WIPF3: variants seen among roughly 807,000 people sequenced by gnomAD.
WIPF3 encodes WAS/WASL interacting protein family member 3.
WIPF3 carries 33 observed loss-of-function variants against 38.9 expected under a neutral mutation model. The observed-to-expected ratio is 0.85, with a 90% CI of 0.64 to 1.14. The LOEUF (loss-of-function observed/expected upper bound fraction) is 1.14. WIPF3 is among the 50% of genes most tolerant of loss of function. WIPF3 has a pLI of 0.00. For synonymous variants in WIPF3, 324 were observed against 269.3 expected (o/e 1.20, Z -1.99); for missense variants, 711 against 652.5 (o/e 1.09, Z -0.98).
At chr7:29,901,825 C>CAA (rs869296187) in intron 7 of WIPF3, among the ~76,000 whole-genome samples, 84 of 82,366 alleles carry the variant, frequency 1.0e-3, no homozygotes, top group African/African-American at 1.7e-3. Context: ...GTCCCTGTCT[C>CAA]AAAAAAAAAA....
At chr7:29,824,030 G>A (rs1437167206) in intron 1 of WIPF3, among the ~76,000 whole-genome samples, 1 of 152,200 alleles carries the variant, frequency 6.6e-6, no homozygotes, top group Admixed American at 6.5e-5. Flanking sequence ...CAAGGCAGTG[G>A]CATTTGGCAT....
intron 1 of WIPF3, among the ~76,000 whole-genome samples, chr7:29,813,473 C>T (rs1784412189): frequency 6.6e-6 from 1 of 152,244 alleles, no homozygotes; most frequent in South Asian, 2.1e-4. Flanking sequence ...ATACCCGCCC[C>T]TGCTTCAGTC....
At chr7:29,900,039 G>C (rs528856668) in intron 7 of WIPF3, among the ~76,000 whole-genome samples, 2 of 152,170 alleles carry the variant, frequency 1.3e-5, no homozygotes, top group Non-Finnish European at 2.9e-5. Flanking sequence ...CCAGGTTCAA[G>C]TGATTCTCCT....
At chr7:29,887,630 C>T (rs908729999) in intron 5 of WIPF3, among the ~76,000 whole-genome samples, 2 of 152,208 alleles carry the variant, frequency 1.3e-5, no homozygotes, top group African/African-American at 4.8e-5. Context: ...CTCTTCAAGC[C>T]TCCCTCTGGG....
At chr7:29,825,461 C>T (rs1284969113) in intron 1 of WIPF3, among the ~76,000 whole-genome samples, 2 of 152,182 alleles carry the variant, frequency 1.3e-5, no homozygotes, top group Non-Finnish European at 2.9e-5. Context: ...GCAGCTTACT[C>T]GTGAATGTGT....
intron 4 of WIPF3, among the ~76,000 whole-genome samples, chr7:29,879,365 A>G (rs547729297): frequency 3.3e-4 from 51 of 152,342 alleles, no homozygotes; most frequent in African/African-American, 1.1e-3. Flanking sequence ...TTCCATTGTA[A>G]TAGCTTAAAA....
At position 29,885,840 on chromosome 7, in the gene WIPF3, T is replaced by G. The variant is rs917096263; in HGVS notation, c.1099+1247T>G. On this transcript the variant is annotated intron_variant, in intron 5 of 8. Coordinates refer to ENST00000242140, the MANE Select transcript of WIPF3 (RefSeq NM_001080529.3). ...TCTCTGAGTAAATTAAGTAATTCAATCACCCATAATAACATCACCCAGAGA... is the reference window on the plus strand; with the variant it reads ...TCTCTGAGTAAATTAAGTAATTCAAGCACCCATAATAACATCACCCAGAGA... Among the ~76,000 whole-genome samples the G allele has an allele frequency of 3.3e-5, 5 of 152,096 alleles. No individual in the cohort carries two copies. In the East Asian group the frequency reaches 5.8e-4, roughly 18 times the overall value.
At chr7:29,839,312 G>A (rs1209009212) in intron 2 of WIPF3, among the ~76,000 whole-genome samples, 2 of 152,160 alleles carry the variant, frequency 1.3e-5, no homozygotes, top group East Asian at 1.9e-4. Flanking sequence ...TTCCAATGTC[G>A]TGATTGATTC....
At chr7:29,866,074 G>A (rs937930615) in intron 2 of WIPF3, among the ~76,000 whole-genome samples, 24 of 152,124 alleles carry the variant, frequency 1.6e-4, no homozygotes, top group Non-Finnish European at 2.8e-4. Flanking sequence ...CAGGAGAATC[G>A]CTTGAACCTG....
At chr7:29,845,190 A>G (rs1784980214) in intron 2 of WIPF3, among the ~76,000 whole-genome samples, 2 of 152,134 alleles carry the variant, frequency 1.3e-5, no homozygotes, top group South Asian at 4.1e-4. Flanking sequence ...ATCAGCATGG[A>G]AAAAGAAGAT....
chr7:29,835,247 G>T (rs1548605), intron 2 of WIPF3, among the ~76,000 whole-genome samples: 84,666 of 151,818 alleles, frequency 0.56, 23,774 homozygotes, highest in Middle Eastern at 0.65. Context: ...AATAGGAAAT[G>T]CCACAACGAG....
At chr7:29,897,150 G>A (rs893727479) in intron 7 of WIPF3, among the ~76,000 whole-genome samples, 5 of 152,086 alleles carry the variant, frequency 3.3e-5, no homozygotes, top group Non-Finnish European at 7.4e-5. Context: ...CTATGTTGTA[G>A]CATATGTCAA....
intron 1 of WIPF3, among the ~76,000 whole-genome samples, chr7:29,808,130 T>G (rs1784313641): frequency 6.6e-6 from 1 of 152,240 alleles, no homozygotes; most frequent in Non-Finnish European, 1.5e-5. Context: ...CCCTTGAGAC[T>G]TGTGCACTTA....
At chr7:29,893,337 C>T (rs1034671856) in intron 7 of WIPF3, among the ~76,000 whole-genome samples, 1 of 151,854 alleles carries the variant, frequency 6.6e-6, no homozygotes, top group Non-Finnish European at 1.5e-5. Flanking sequence ...GCAGGTGGAG[C>T]GCAGGGTATA....
chr7:29,877,530 C>T (rs938205649), intron 3 of WIPF3, among the ~76,000 whole-genome samples: 1 of 152,032 alleles, frequency 6.6e-6, no homozygotes, highest in Non-Finnish European at 1.5e-5. Context: ...TAATGGTATG[C>T]CATATTTTTA....
intron 2 of WIPF3, among the ~76,000 whole-genome samples, chr7:29,856,813 C>T (rs747581962): frequency 6.6e-6 from 1 of 152,054 alleles, no homozygotes; most frequent in Non-Finnish European, 1.5e-5. Flanking sequence ...ATGTAAGAAC[C>T]TTCTGGGCAA....
At chr7:29,821,762 C>A (rs985410622) in intron 1 of WIPF3, among the ~76,000 whole-genome samples, 2 of 152,158 alleles carry the variant, frequency 1.3e-5, no homozygotes, top group African/African-American at 4.8e-5. Flanking sequence ...CTCTCTAATC[C>A]TTTCAAATTC....
At chr7:29,910,005 C>A (rs1786475791) in intron 8 of WIPF3, among the ~76,000 whole-genome samples, 1 of 151,824 alleles carries the variant, frequency 6.6e-6, no homozygotes, top group Non-Finnish European at 1.5e-5. Context: ...ATAAATAAGA[C>A]CTACTATTTG....
chr7:29,871,203 G>A (rs1349164688), intron 2 of WIPF3, among the ~76,000 whole-genome samples: 1 of 152,194 alleles, frequency 6.6e-6, no homozygotes, highest in Non-Finnish European at 1.5e-5. Flanking sequence ...TGGATTCCAG[G>A]TTCTCTGTGT....
Sources: gnomAD v4.1 joint callset for allele counts (sites outside exome capture counted in the v4.1 genomes callset) on GRCh38, gnomAD v4.1.1 for gene constraint, MANE v1.5 for transcripts, NCBI Gene and HGNC (gene_info 2026-07-23, HGNC 2026-07-21) for gene names.